RELL1: variants seen among roughly 807,000 people sequenced by gnomAD.
The protein encoded by RELL1 is RELT like 1, also known as RELT-like protein 1.
In RELL1, 10 loss-of-function variants were observed where a neutral mutation model predicts 23.0. That is an observed-to-expected ratio of 0.43 (90% CI 0.27 to 0.74). The LOEUF is 0.74. RELL1 is among the 30% of genes least tolerant of loss of function. The pLI is 0.19. For missense variants in RELL1, 315 were observed against 364.4 expected, an observed-to-expected ratio of 0.86 and a Z score of 1.10; for synonymous variants, 146 against 146.8, an observed-to-expected ratio of 0.99 and a Z score of 0.04.
chr4:37,638,511 A>C lies in RELL1; in HGVS notation c.386-7T>G. The C allele has an allele frequency of 1.2e-6, 2 of 1,601,594 alleles. No homozygotes were observed. The highest frequency in any genetic ancestry group is 8.5e-7 in the Non-Finnish European group (1 of 1,170,476). On this transcript the variant is annotated splice_polypyrimidine_tract_variant and splice_region_variant and intron_variant, in intron 3 of 6. Transcript: ENST00000454158. ...TTTAAGACATCAGCATTCGCTAAGGAATAAAAATAAAATTAAAGAATTAAA... is the reference window on the plus strand; with the variant it reads ...TTTAAGACATCAGCATTCGCTAAGGCATAAAAATAAAATTAAAGAATTAAA...
chr4:37,598,685 A>G (rs1452708651), intron 6 of RELL1, among the ~76,000 whole-genome samples: 1 of 151,084 alleles, frequency 6.6e-6, no homozygotes, highest in Admixed American at 6.6e-5. Context: ...TGAACAACAA[A>G]CCGGTGCTTT....
intron 5 of RELL1, among the ~76,000 whole-genome samples, chr4:37,632,506 T>C (rs1720178785): frequency 6.6e-6 from 1 of 152,166 alleles, no homozygotes; most frequent in Admixed American, 6.5e-5. Flanking sequence ...CCTGGTTAAA[T>C]GCTCAACTGG....
chr4:37,686,053 C>A, intron 1 of RELL1, 147 bp downstream of exon 1: 1 of 682,022 alleles, frequency 1.5e-6, no homozygotes, highest in Admixed American at 3.1e-5. Flanking sequence ...CGGACCGCCG[C>A]GGGACAGCCA....
At chr4:37,653,344 C>CTCAATAT (rs539034294) in intron 1 of RELL1, among the ~76,000 whole-genome samples, 5 of 124,308 alleles carry the variant, frequency 4.0e-5, no homozygotes, top group African/African-American at 1.5e-4. Context: ...GTATTGAAAC[C>CTCAATAT]TCAATACAAG....
chr4:37,686,121 C>T (rs1722400758), intron 1 of RELL1, 79 bp downstream of exon 1: 2 of 1,211,074 alleles, frequency 1.7e-6, no homozygotes, highest in Non-Finnish European at 2.3e-6. Context: ...GCGGGGCTGC[C>T]GTCCCGACCC....
intron 1 of RELL1, among the ~76,000 whole-genome samples, chr4:37,680,003 C>T (rs1722149827): frequency 6.6e-6 from 1 of 152,086 alleles, no homozygotes; most frequent in Non-Finnish European, 1.5e-5. Context: ...TTACAACCTA[C>T]AGAGGGTATC....
chr4:37,667,263 G>A (rs1052750336), intron 1 of RELL1, among the ~76,000 whole-genome samples: 1 of 151,844 alleles, frequency 6.6e-6, no homozygotes, highest in South Asian at 2.1e-4. Flanking sequence ...GATGTATAAT[G>A]TGTACAGTTA....
At chr4:37,669,891 C>T (rs1016066334) in intron 1 of RELL1, among the ~76,000 whole-genome samples, 2 of 151,512 alleles carry the variant, frequency 1.3e-5, no homozygotes. Flanking sequence ...CCCAGGGACA[C>T]AAACAATGCG....
intron 1 of RELL1, among the ~76,000 whole-genome samples, chr4:37,680,634 C>A (rs1015787295): frequency 1.3e-5 from 2 of 152,086 alleles, no homozygotes; most frequent in African/African-American, 4.8e-5. Context: ...ATTAAAGAAC[C>A]TATGCGAGTT....
Position 37,634,911 on chromosome 4 carries a change from T to TTCA in RELL1, c.655_656insTGA (p.Glu219delinsValLys). 6.2e-7 allele frequency: 1 copy of TTCA among 1,614,232 alleles called. No individual in the cohort carries two copies. The highest frequency in any genetic ancestry group is 8.5e-7 in the Non-Finnish European group (1 of 1,180,034). On this transcript the variant is annotated protein_altering_variant, in exon 5 of 7. Transcript: ENST00000454158. ...CCTGCCAACAGAAAGGACCGTGACC[T>TTCA]CGCCTTGGCGCCGTGGTCTGCTCTC...
intron 6 of RELL1, chr4:37,623,069 C>T: frequency 3.0e-6 from 1 of 338,310 alleles, no homozygotes; most frequent in Non-Finnish European, 5.8e-6. Context: ...TCCCAAAGTG[C>T]TGAGATTACA....
At chr4:37,589,978 AAGT>A (rs1488201733), downstream of RELL1, 1 of 837,824 alleles carries the variant, frequency 1.2e-6, no homozygotes, top group Non-Finnish European at 1.9e-6. Context: ...CTAGGTTGAA[AAGT>A]AATCACAGAA....
chr4:37,634,894 C>G lies in RELL1; in HGVS notation c.673G>C (p.Val225Leu), dbSNP rs758518817. 3 of 1,614,248 alleles carry G rather than the reference C, an allele frequency of 1.9e-6. No homozygotes were observed. The highest frequency in any genetic ancestry group is 1.7e-5 in the Admixed American group (1 of 60,036). Residue 225 changes from valine to leucine, a missense_variant, in exon 5 of 7, where the codon GTT becomes CTT. Val to Leu is a conservative substitution (Grantham distance 32). Transcript: ENST00000454158. ...RRQGEVTVLSVGRFRVTKVEH... is the reference protein window; with the variant it reads ...RRQGEVTVLSLGRFRVTKVEH... The stretch of plus-strand genomic sequence containing the variant: ...CATCTGAAGGGATCTTACCTGCCAA[C>G]AGAAAGGACCGTGACCTCGCCTTGG...
intron 6 of RELL1, among the ~76,000 whole-genome samples, 176 bp downstream of exon 6, chr4:37,631,209 C>A (rs538951509): frequency 6.6e-6 from 1 of 152,178 alleles, no homozygotes; most frequent in Non-Finnish European, 1.5e-5. Context: ...TTACAAGAAG[C>A]TCTAGGCAGA....
Position 37,635,086 on chromosome 4 carries a change from T to C in RELL1, c.481A>G (p.Ser161Gly), listed in dbSNP as rs1360923753. 2 of 1,614,196 alleles carry C rather than the reference T, an allele frequency of 1.2e-6. No homozygotes were observed. Among genetic ancestry groups the C allele is most frequent in the Non-Finnish European group, 1.7e-6 (2 of 1,180,038 alleles). The change falls in exon 5 of 7, where the codon AGT (serine) becomes GGT (glycine). Residue 161 changes from serine (S) to glycine (G), a missense_variant. By Grantham distance (56) the Ser-to-Gly change is moderately conservative. Transcript: ENST00000454158. ...TPSTPGSPPV[S>G]PGPLSPGGTP... The stretch of plus-strand genomic sequence containing the variant: ...CCCCCTGGTGACAAAGGCCCAGGAC[T>C]CACTGGCGGGCTCCCTGGTGTGCTG...
intron 1 of RELL1, among the ~76,000 whole-genome samples, chr4:37,684,434 G>A (rs548286170): frequency 6.6e-6 from 1 of 152,040 alleles, no homozygotes; most frequent in African/African-American, 2.4e-5. Flanking sequence ...TTGCTCAGAG[G>A]TCAAACCAAA....
intron 6 of RELL1, among the ~76,000 whole-genome samples, chr4:37,625,994 G>T (rs1366156492): frequency 6.6e-6 from 1 of 151,778 alleles, no homozygotes; most frequent in South Asian, 2.1e-4. Context: ...TGAAAAAAAG[G>T]CTCAACATTA....
chr4:37,640,087 G>A (rs757036873), intron 3 of RELL1, among the ~76,000 whole-genome samples: 5 of 151,550 alleles, frequency 3.3e-5, no homozygotes, highest in South Asian at 2.1e-4. Flanking sequence ...TTTTGGCCCC[G>A]ATCCAATTTT....
chr4:37,662,742 A>G (rs1226683596), intron 1 of RELL1, among the ~76,000 whole-genome samples: 1 of 152,068 alleles, frequency 6.6e-6, no homozygotes, highest in African/African-American at 2.4e-5. Context: ...GAACTCCAAC[A>G]CAGATGACAG....
Sources: gnomAD v4.1 joint callset for allele counts (sites outside exome capture counted in the v4.1 genomes callset) on GRCh38, gnomAD v4.1.1 for gene constraint, MANE v1.5 for transcripts, NCBI Gene and HGNC (gene_info 2026-07-23, HGNC 2026-07-21) for gene names.